The following LPP variants were observed in gnomAD, a reference collection of about 807,000 sequenced individuals.
LPP encodes lipoma-preferred partner.
In LPP, 38 loss-of-function variants were observed where a neutral mutation model predicts 60.4. The observed-to-expected ratio is 0.63, with a 90% CI of 0.49 to 0.83. The LOEUF (loss-of-function observed/expected upper bound fraction) is 0.83. Among genes scored for constraint, LPP ranks in the 40% least tolerant of loss-of-function variants. LPP has a pLI of 0.00. For missense variants in LPP, 902 were observed against 783.6 expected, an observed-to-expected ratio of 1.15 and a Z score of -1.80; for synonymous variants, 328 against 290.8, an observed-to-expected ratio of 1.13 and a Z score of -1.30.
intron 3 of LPP, among the ~76,000 whole-genome samples, chr3:188,349,872 T>C (rs913995799): frequency 6.6e-6 from 1 of 152,246 alleles, no homozygotes; most frequent in Non-Finnish European, 1.5e-5. Context: ...GGAATGATAA[T>C]ACCAGTGCTC....
At chr3:188,287,075 A>AT (rs1390045498) in intron 2 of LPP, among the ~76,000 whole-genome samples, 1 of 151,764 alleles carries the variant, frequency 6.6e-6, no homozygotes, top group Non-Finnish European at 1.5e-5. Flanking sequence ...TAATTTTTGT[A>AT]TTTTTCTTAG....
At chr3:188,656,785 A>T (rs1047261902) in intron 7 of LPP, among the ~76,000 whole-genome samples, 1 of 152,216 alleles carries the variant, frequency 6.6e-6, no homozygotes, top group Non-Finnish European at 1.5e-5. Flanking sequence ...AATAGTGAGT[A>T]ATACCTAACA....
At chr3:188,474,666 A>G (rs960225709) in intron 4 of LPP, among the ~76,000 whole-genome samples, 2 of 152,216 alleles carry the variant, frequency 1.3e-5, no homozygotes, top group Non-Finnish European at 2.9e-5. Context: ...TTACTGGTAA[A>G]TTAAGACTTT....
At position 188,727,419 on chromosome 3, in the gene LPP, CTG is replaced by C. The variant is rs1325993748; in HGVS notation, c.1240+19030_1240+19031del. Reference sequence around the variant, plus strand: ...TGGTGATGACCACGGGTAAGATATTCTGTGTTTTAGTTAAGATGATTTCCAGT... The same window carrying C: ...TGGTGATGACCACGGGTAAGATATTCTGTTTTAGTTAAGATGATTTCCAGT... On this transcript the variant is annotated intron_variant, in intron 8 of 11. Coordinates refer to ENST00000617246, the MANE Select transcript of LPP (RefSeq NM_001375462.1). Among the ~76,000 whole-genome samples, 4 of 152,036 alleles carry C rather than the reference CTG, an allele frequency of 2.6e-5. No individual in the cohort carries two copies. In the East Asian group the frequency reaches 7.7e-4, roughly 29 times the overall value.
At chr3:188,851,618 T>C (rs1052131172) in intron 9 of LPP, among the ~76,000 whole-genome samples, 1 of 152,210 alleles carries the variant, frequency 6.6e-6, no homozygotes. Context: ...TGTCCAAAAT[T>C]TAATATTCAT....
At chr3:188,175,986 G>C (rs1360137424) in intron 1 of LPP, among the ~76,000 whole-genome samples, 1 of 152,132 alleles carries the variant, frequency 6.6e-6, no homozygotes. Flanking sequence ...CCAGATGAGA[G>C]AGCCAGATGA....
chr3:188,766,378 C>CAAAAAAAAAAAAAAAAAAAAAAAAAA (rs142374028), intron 9 of LPP, among the ~76,000 whole-genome samples: 6 of 124,654 alleles, frequency 4.8e-5, no homozygotes, highest in East Asian at 2.5e-4. Flanking sequence ...CCTTAAAAAG[C>CAAAAAAAAAAAAAAAAAAAAAAAAAA]AAAAAAAAAA....
At chr3:188,532,422 CTCAATCAATCAA>C (rs145870680) in intron 6 of LPP, among the ~76,000 whole-genome samples, 2 of 151,408 alleles carry the variant, frequency 1.3e-5, no homozygotes, top group African/African-American at 2.4e-5. Flanking sequence ...AAAACTCTGT[CTCAATCAATCAA>C]TCAATCAATC....
intron 2 of LPP, among the ~76,000 whole-genome samples, chr3:188,316,480 T>C (rs777735860): frequency 3.3e-4 from 50 of 151,886 alleles, no homozygotes; most frequent in Non-Finnish European, 8.8e-5. Context: ...AAAATACAGT[T>C]GAGTAGAATT....
At chr3:188,580,242 T>C (rs1835762420) in intron 6 of LPP, among the ~76,000 whole-genome samples, 1 of 146,576 alleles carries the variant, frequency 6.8e-6, no homozygotes, top group Admixed American at 6.8e-5. Flanking sequence ...GTTTCTCAAT[T>C]AAAAAAAAAA....
intron 9 of LPP, among the ~76,000 whole-genome samples, chr3:188,765,641 T>A (rs994347403): frequency 6.6e-6 from 1 of 152,106 alleles, no homozygotes; most frequent in Non-Finnish European, 1.5e-5. Flanking sequence ...AGACTATGAA[T>A]AACTTTTATA....
intron 5 of LPP, among the ~76,000 whole-genome samples, chr3:188,502,746 C>T (rs1812273600): frequency 6.6e-6 from 1 of 152,058 alleles, no homozygotes; most frequent in Admixed American, 6.5e-5. Context: ...ACATACCAAA[C>T]ATCATGGTTT....
At chr3:188,820,427 G>T (rs1297817257) in intron 9 of LPP, among the ~76,000 whole-genome samples, 1 of 152,104 alleles carries the variant, frequency 6.6e-6, no homozygotes, top group Non-Finnish European at 1.5e-5. Context: ...AAAAGTGTGT[G>T]TCTCTTTGTG....
intron 9 of LPP, among the ~76,000 whole-genome samples, chr3:188,832,993 C>G (rs1419395939): frequency 2.6e-5 from 4 of 152,240 alleles, no homozygotes; most frequent in Non-Finnish European, 4.4e-5. Context: ...CACTTGGCAT[C>G]AGTGCAAACT....
At chr3:188,408,021 C>G (rs1457107800) in intron 4 of LPP, among the ~76,000 whole-genome samples, 1 of 152,098 alleles carries the variant, frequency 6.6e-6, no homozygotes, top group Non-Finnish European at 1.5e-5. Flanking sequence ...CTCCTGACCT[C>G]AGGTGATCTG....
At chr3:188,415,817 G>A (rs1003991885) in intron 4 of LPP, among the ~76,000 whole-genome samples, 28 of 151,754 alleles carry the variant, frequency 1.8e-4, no homozygotes, top group Admixed American at 2.0e-4. Flanking sequence ...AGAGGACGCA[G>A]CAAGAGTCTT....
chr3:188,268,525 C>T (rs969590224), intron 2 of LPP, among the ~76,000 whole-genome samples: 1 of 152,172 alleles, frequency 6.6e-6, no homozygotes, highest in African/African-American at 2.4e-5. Context: ...TGGTGTTTTC[C>T]TTATTTGAAT....
intron 3 of LPP, among the ~76,000 whole-genome samples, chr3:188,367,570 T>G (rs1310684666): frequency 6.6e-6 from 1 of 152,216 alleles, no homozygotes; most frequent in Non-Finnish European, 1.5e-5. Context: ...CCTAATTGGA[T>G]TGTAGAACTT....
At chr3:188,228,901 G>T (rs1464279303) in intron 2 of LPP, among the ~76,000 whole-genome samples, 1 of 152,204 alleles carries the variant, frequency 6.6e-6, no homozygotes, top group Non-Finnish European at 1.5e-5. Context: ...TGTGGTTCCT[G>T]TATGATACAT....
Sources: allele counts gnomAD v4.1 joint callset (sites outside exome capture counted in the v4.1 genomes callset), GRCh38; gene constraint gnomAD v4.1.1; transcripts MANE v1.5; gene names NCBI Gene and HGNC (gene_info 2026-07-23, HGNC 2026-07-21).